Variants in IL2RB observed in about 807,000 individuals in gnomAD.
IL2RB encodes interleukin 2 receptor subunit beta.
In IL2RB, 17 loss-of-function variants were observed where a neutral mutation model predicts 44.2. The ratio of observed to expected loss-of-function variants is 0.38; its 90% CI spans 0.26 to 0.58. IL2RB has a LOEUF of 0.58. IL2RB is among the 20% of genes least tolerant of loss of function. The pLI, the probability that IL2RB is intolerant of heterozygous loss-of-function variation, is 0.63. For missense variants in IL2RB, 624 were observed against 685.5 expected (o/e 0.91, Z 1.00); for synonymous variants, 286 against 297.9 (o/e 0.96, Z 0.41).
At chr22:37,134,621 A>G (rs1351314836) in intron 8 of IL2RB, among the ~76,000 whole-genome samples, 1 of 152,176 alleles carries the variant, frequency 6.6e-6, no homozygotes, top group Non-Finnish European at 1.5e-5. Flanking sequence ...AAATAAATAA[A>G]TAAAATAAAA....
chr22:37,154,575 C>CTTTT (rs57147928), upstream of IL2RB, among the ~76,000 whole-genome samples: 7 of 141,618 alleles, frequency 4.9e-5, no homozygotes, highest in Non-Finnish European at 7.7e-5. Context: ...CTTTTTTTTT[C>CTTTT]TTTTTTTTTT....
chr22:37,172,954 C>T (rs544891436), intron 1 of IL2RB, among the ~76,000 whole-genome samples: 1 of 152,260 alleles, frequency 6.6e-6, no homozygotes, highest in African/African-American at 2.4e-5. Context: ...TCTGAGAAGT[C>T]ATAGCTCAGG....
At chr22:37,165,112 A>T (rs73408830) in intron 1 of IL2RB, among the ~76,000 whole-genome samples, 8,557 of 152,292 alleles carry the variant, frequency 0.056, 250 homozygotes, top group Middle Eastern at 0.092. Flanking sequence ...TATTTTGCAG[A>T]TGAAAAAACT....
At chr22:37,168,419 C>A (rs1377720130) in intron 1 of IL2RB, among the ~76,000 whole-genome samples, 1 of 152,186 alleles carries the variant, frequency 6.6e-6, no homozygotes, top group Admixed American at 6.5e-5. Flanking sequence ...GATGTGGCAT[C>A]GGTGCTGTGG....
At chr22:37,144,376 C>T (rs1487676158) in intron 1 of IL2RB, among the ~76,000 whole-genome samples, 171 bp from the exon 2 acceptor site, 3 of 152,250 alleles carry the variant, frequency 2.0e-5, no homozygotes, top group Admixed American at 2.0e-4. Flanking sequence ...CCTACACATG[C>T]TCACACCCTT....
chr22:37,127,139 T>C lies in IL2RB; in HGVS notation c.*957A>G, dbSNP rs1431424346. The C allele has an allele frequency of 1.3e-5, 2 of 152,138 alleles. No individual in the cohort carries two copies. Among genetic ancestry groups the C allele is most frequent in the African/African-American group, 4.8e-5 (2 of 41,418 alleles). 9.4% of individuals were successfully genotyped at this position (152,138 alleles called of 1,614,324 possible). ...ACTCCAGGGTTTACTCCCCATCAGC[T>C]TCTCTTGTGGGTCTGTGAAGCCACT... On this transcript the variant is annotated 3_prime_UTR_variant, in exon 10 of 10. Transcript: ENST00000216223.
At position 37,143,487 on chromosome 22, in the gene IL2RB, T is replaced by C. The variant is rs553147780; in HGVS notation, c.203+34A>G. Reference sequence around the variant, plus strand: ...GGATCCAGAATATGAGATCCCACCATCCTAAGATTCTGCAGTGTGGCCAGT... The same window carrying C: ...GGATCCAGAATATGAGATCCCACCACCCTAAGATTCTGCAGTGTGGCCAGT... On this transcript the variant is annotated intron_variant, in intron 3 of 9. Coordinates refer to ENST00000216223, the MANE Select transcript of IL2RB (RefSeq NM_000878.5). The C allele has an allele frequency of 1.1e-5, 15 of 1,380,504 alleles. No individual in the cohort carries two copies. In the African/African-American group the frequency reaches 2.1e-4, roughly 20 times the overall value. 85.5% of individuals were successfully genotyped at this position (1,380,504 alleles called of 1,614,324 possible).
chr22:37,161,205 T>G (rs1922856073), intron 1 of IL2RB, among the ~76,000 whole-genome samples: 1 of 152,124 alleles, frequency 6.6e-6, no homozygotes, highest in African/African-American at 2.4e-5. Context: ...AATTCTAACT[T>G]AAACATGCAA....
chr22:37,161,231 A>C (rs1007248132), intron 1 of IL2RB, among the ~76,000 whole-genome samples: 6 of 152,138 alleles, frequency 3.9e-5, no homozygotes, highest in Admixed American at 3.9e-4. Flanking sequence ...CTCCACCACC[A>C]CAGCCGGCCC....
At chr22:37,174,102 C>G (rs997501890) in intron 1 of IL2RB, among the ~76,000 whole-genome samples, 1 of 152,154 alleles carries the variant, frequency 6.6e-6, no homozygotes, top group Admixed American at 6.5e-5. Context: ...CTCACTTCCC[C>G]GAGGTTGGGT....
Position 37,141,815 on chromosome 22 carries a change from T to C in IL2RB, c.282+619A>G, listed in dbSNP as rs935794870. Among the ~76,000 whole-genome samples the C allele has an allele frequency of 6.6e-6, 1 of 152,214 alleles. No homozygotes were observed. The highest frequency in any genetic ancestry group is 1.5e-5 in the Non-Finnish European group (1 of 68,034). On this transcript the variant is annotated intron_variant, in intron 4 of 9. Transcript: ENST00000216223. The surrounding 1 kb of genome is among the most constrained non-coding windows in gnomAD (Gnocchi z 4.4). ...TGCAGGGGACAGCTTGGCACTGGCC[T>C]GCAGGTGCCCCTTGGCCCGAGCAGC...
chr22:37,149,305 G>A (rs970939163), intron 1 of IL2RB, among the ~76,000 whole-genome samples: 5 of 152,150 alleles, frequency 3.3e-5, no homozygotes, highest in Non-Finnish European at 5.9e-5. Flanking sequence ...CAGAGGCCTC[G>A]CAGCAACTTC....
intron 1 of IL2RB, among the ~76,000 whole-genome samples, chr22:37,146,650 C>T (rs764398858): frequency 5.3e-5 from 8 of 152,318 alleles, no homozygotes; most frequent in South Asian, 4.1e-4. Context: ...CTCTTCTGAG[C>T]GCCTTGCTCC....
At chr22:37,171,819 C>G (rs1289817496) in intron 1 of IL2RB, among the ~76,000 whole-genome samples, 1 of 152,208 alleles carries the variant, frequency 6.6e-6, no homozygotes, top group Non-Finnish European at 1.5e-5. Flanking sequence ...TCACAATCCT[C>G]TTCTTCACCT....
chr22:37,128,067 GCTGC>G lies in IL2RB; in HGVS notation c.*25_*28del. 6.7e-7 allele frequency: 1 copy of G among 1,491,320 alleles called. No homozygotes were observed. Among genetic ancestry groups the G allele is most frequent in the Non-Finnish European group, 8.9e-7 (1 of 1,125,656 alleles). The allele number at this position is 1,491,320 out of a possible 1,614,324, so 92.4% of individuals were successfully genotyped here. On this transcript the variant is annotated 3_prime_UTR_variant, in exon 10 of 10. Coordinates refer to ENST00000216223, the MANE Select transcript of IL2RB (RefSeq NM_000878.5). This position sits in a 1 kb window ranked among gnomAD's most constrained non-coding sequence, Gnocchi z 4.5. Reference sequence around the variant, plus strand: ...TCTGAGGCTCGGCGCAGAGCAGGCAGCTGCCTGCCTCCCACCCTGGCCATCTGTC... The same window carrying G: ...TCTGAGGCTCGGCGCAGAGCAGGCAGCTGCCTCCCACCCTGGCCATCTGTC...
At chr22:37,151,951 A>G (rs532258132), upstream of IL2RB, among the ~76,000 whole-genome samples, 2 of 152,260 alleles carry the variant, frequency 1.3e-5, no homozygotes, top group Non-Finnish European at 2.9e-5. Context: ...CGCTAGCGCC[A>G]CGCTGTTTTG....
rs1921210284 is a variant in IL2RB at position 37,128,047 on chromosome 22, G to A, written c.*49C>T. The A allele has an allele frequency of 2.0e-5, 28 of 1,435,370 alleles. No individual in the cohort carries two copies. The highest frequency in any genetic ancestry group is 2.3e-5 in the Non-Finnish European group (25 of 1,092,118). The allele number at this position is 1,435,370 out of a possible 1,614,324, so 88.9% of individuals were successfully genotyped here. A position where few individuals can be genotyped will look rare whatever the true frequency, so the allele number is the denominator to read the frequency against. ...AGGACCCTCAACAGGGTCCTTCTGA[G>A]GCTCGGCGCAGAGCAGGCAGCTGCC... On this transcript the variant is annotated 3_prime_UTR_variant, in exon 10 of 10. Coordinates refer to ENST00000216223, the MANE Select transcript of IL2RB (RefSeq NM_000878.5). This position sits in a 1 kb window ranked among gnomAD's most constrained non-coding sequence, Gnocchi z 4.5.
chr22:37,166,355 G>C (rs1041922854), intron 1 of IL2RB, among the ~76,000 whole-genome samples: 4 of 152,236 alleles, frequency 2.6e-5, no homozygotes, highest in Non-Finnish European at 4.4e-5. Context: ...CTGCACCGCT[G>C]CGTGTGTTGT....
At position 37,128,200 on chromosome 22, in the gene IL2RB, C is replaced by A. The variant is rs779802723; in HGVS notation, c.1552G>T (p.Gly518Trp). The A allele has an allele frequency of 1.3e-6, 2 of 1,528,390 alleles. No homozygotes were observed. The highest frequency in any genetic ancestry group is 1.4e-5 in the African/African-American group (1 of 71,712). The allele number at this position is 1,528,390 out of a possible 1,614,324, so 94.7% of individuals were successfully genotyped here. Residue 518 changes from glycine to tryptophan, a missense_variant, in exon 10 of 10, where the codon GGG (glycine) becomes TGG (tryptophan). Coordinates refer to ENST00000216223, the MANE Select transcript of IL2RB (RefSeq NM_000878.5). The surrounding 1 kb of genome is among the most constrained non-coding windows in gnomAD (Gnocchi z 4.5). ...GVSFPWSRPP[G>W]QGEFRALNAR... is the part of the protein sequence containing the mutation. Reference sequence around the variant, plus strand: ...TTAAGGGCCCTGAACTCCCCCTGCCCAGGAGGCCTGGACCAGGGGAAACTG... The same window carrying A: ...TTAAGGGCCCTGAACTCCCCCTGCCAAGGAGGCCTGGACCAGGGGAAACTG...
Sources: allele counts gnomAD v4.1 joint callset (sites outside exome capture counted in the v4.1 genomes callset), GRCh38; gene constraint gnomAD v4.1.1; non-coding constraint Gnocchi (gnomAD v3.1); transcripts MANE v1.5; gene names NCBI Gene and HGNC (gene_info 2026-07-23, HGNC 2026-07-21).